Variants in CSMD3 observed in about 807,000 individuals in gnomAD.
CSMD3 encodes the protein CUB and Sushi multiple domains 3, also known as CUB and sushi domain-containing protein 3.
Under a neutral mutation model 435.2 loss-of-function variants are expected in CSMD3, and 177 were observed. The ratio of observed to expected loss-of-function variants is 0.41; its 90% CI spans 0.36 to 0.46. The LOEUF (loss-of-function observed/expected upper bound fraction) is 0.46. Among genes scored for constraint, CSMD3 ranks in the 20% least tolerant of loss-of-function variants. The pLI is 0.34. For synonymous variants in CSMD3, 1,656 were observed against 1,520.5 expected (o/e 1.09, Z -2.07); for missense variants, 4,265 against 4,504.6 (o/e 0.95, Z 1.52).
intron 6 of CSMD3, among the ~76,000 whole-genome samples, chr8:113,017,838 C>T (rs1468288718): frequency 6.6e-6 from 1 of 151,872 alleles, no homozygotes; most frequent in Admixed American, 6.6e-5. Flanking sequence ...GTTACCATGC[C>T]TAAACAGCTA....
At chr8:112,291,214 C>T (rs1325523418) in intron 56 of CSMD3, among the ~76,000 whole-genome samples, 3 of 151,742 alleles carry the variant, frequency 2.0e-5, no homozygotes, top group African/African-American at 7.3e-5. Flanking sequence ...AGTGTAGTTG[C>T]CTCTTACAGA....
chr8:112,691,864 G>A (rs182139394), intron 13 of CSMD3, among the ~76,000 whole-genome samples: 6 of 152,136 alleles, frequency 3.9e-5, no homozygotes, highest in Non-Finnish European at 5.9e-5. Context: ...GCAGTGGCGT[G>A]ATCTCGGCTC....
At chr8:113,199,369 T>C (rs537558662) in intron 3 of CSMD3, among the ~76,000 whole-genome samples, 4 of 151,848 alleles carry the variant, frequency 2.6e-5, no homozygotes, top group East Asian at 3.9e-4. Flanking sequence ...TTATTCATCA[T>C]TGAGAATAAC....
intron 11 of CSMD3, among the ~76,000 whole-genome samples, chr8:112,830,010 T>C (rs1385255081): frequency 6.6e-6 from 1 of 152,086 alleles, no homozygotes; most frequent in Non-Finnish European, 1.5e-5. Context: ...AGTTCAATCA[T>C]ATCATTACAT....
chr8:112,542,065 T>C (rs1052849942), intron 27 of CSMD3, among the ~76,000 whole-genome samples: 1 of 151,522 alleles, frequency 6.6e-6, no homozygotes, highest in Non-Finnish European at 1.5e-5. Context: ...ATAATTTCAG[T>C]AGATGCAGAA....
At chr8:113,292,800 G>A (rs550501722) in intron 2 of CSMD3, among the ~76,000 whole-genome samples, 1 of 151,312 alleles carries the variant, frequency 6.6e-6, no homozygotes, top group Non-Finnish European at 1.5e-5. Flanking sequence ...TTTTAAAGGT[G>A]AAAACCTCAA....
At chr8:112,947,507 T>A (rs2083652855) in intron 9 of CSMD3, among the ~76,000 whole-genome samples, 1 of 151,676 alleles carries the variant, frequency 6.6e-6, no homozygotes, top group African/African-American at 2.4e-5. Context: ...GTAGCAAAAC[T>A]GGAACTCAAA....
intron 6 of CSMD3, among the ~76,000 whole-genome samples, chr8:112,980,169 T>A (rs1249965970): frequency 6.6e-6 from 1 of 150,694 alleles, no homozygotes; most frequent in Non-Finnish European, 1.5e-5. Context: ...TTGATTAAAT[T>A]TTTTGTCCTA....
intron 45 of CSMD3, among the ~76,000 whole-genome samples, chr8:112,326,686 T>C (rs1823543539): frequency 6.6e-6 from 1 of 152,172 alleles, no homozygotes; most frequent in African/African-American, 2.4e-5. Context: ...TCCCAGAACG[T>C]ATCTAACCAT....
chr8:113,386,952 A>G (rs1298330086), intron 1 of CSMD3, among the ~76,000 whole-genome samples: 2 of 151,862 alleles, frequency 1.3e-5, no homozygotes, highest in Non-Finnish European at 2.9e-5. Flanking sequence ...ATGGCAATAT[A>G]AAGCATATAC....
intron 64 of CSMD3, among the ~76,000 whole-genome samples, chr8:112,245,265 T>C (rs1482521874): frequency 6.6e-6 from 1 of 152,072 alleles, no homozygotes; most frequent in Admixed American, 6.6e-5. Flanking sequence ...CTTCCCCTTA[T>C]TTCATCGGTT....
At chr8:112,696,068 G>A (rs752262867) in intron 13 of CSMD3, among the ~76,000 whole-genome samples, 4 of 152,232 alleles carry the variant, frequency 2.6e-5, no homozygotes, top group South Asian at 2.1e-4. Flanking sequence ...ACTGCTCAGC[G>A]AAATAAAAGA....
At chr8:112,993,109 C>T (rs1165916541) in intron 6 of CSMD3, among the ~76,000 whole-genome samples, 1 of 151,532 alleles carries the variant, frequency 6.6e-6, no homozygotes, top group African/African-American at 2.4e-5. Context: ...TGGGATGATA[C>T]GGAAAGTATA....
intron 18 of CSMD3, among the ~76,000 whole-genome samples, chr8:112,652,264 T>C (rs2075146373): frequency 6.6e-6 from 1 of 152,176 alleles, no homozygotes; most frequent in Admixed American, 6.5e-5. Flanking sequence ...ATACCTTCAG[T>C]TGTCCTCTTA....
chr8:113,176,848 C>G (rs1470752268), intron 3 of CSMD3, among the ~76,000 whole-genome samples: 3 of 151,246 alleles, frequency 2.0e-5, no homozygotes, highest in Non-Finnish European at 4.4e-5. Context: ...TCATGGCACA[C>G]TTTTACCTAT....
At position 112,303,382 on chromosome 8, in the gene CSMD3, C is replaced by T. The variant is rs116798827; in HGVS notation, c.8266+1339G>A. ...ACCAGCCTGGCCAACATGGTGAAAC[C>T]CCAACTCTACCTAAAATACAGAAAA... On this transcript the variant is annotated intron_variant, in intron 52 of 70. Coordinates refer to ENST00000297405, the MANE Select transcript of CSMD3 (RefSeq NM_198123.2). Among the ~76,000 whole-genome samples the T allele has an allele frequency of 4.4e-3, 669 of 151,996 alleles. 6 individuals carry two copies. Among genetic ancestry groups the T allele is most frequent in the African/African-American group, 0.016 (643 of 41,450 alleles).
At chr8:112,522,302 A>T (rs565495831) in intron 27 of CSMD3, among the ~76,000 whole-genome samples, 82 of 152,008 alleles carry the variant, frequency 5.4e-4, no homozygotes, top group South Asian at 2.3e-3. Context: ...ATGTTGTTTT[A>T]TTCTAATTAT....
At chr8:112,605,247 A>G (rs1035229875) in intron 22 of CSMD3, among the ~76,000 whole-genome samples, 4 of 152,166 alleles carry the variant, frequency 2.6e-5, no homozygotes, top group Non-Finnish European at 5.9e-5. Flanking sequence ...TTAAAATAGA[A>G]CCATTATTTG....
intron 5 of CSMD3, among the ~76,000 whole-genome samples, chr8:113,068,867 T>A (rs1259997682): frequency 6.6e-6 from 1 of 152,140 alleles, no homozygotes; most frequent in African/African-American, 2.4e-5. Context: ...GTTGATGCTC[T>A]TGCTGGTTTT....
Sources: gnomAD v4.1 joint callset for allele counts (sites outside exome capture counted in the v4.1 genomes callset) on GRCh38, gnomAD v4.1.1 for gene constraint, MANE v1.5 for transcripts, NCBI Gene and HGNC (gene_info 2026-07-23, HGNC 2026-07-21) for gene names.